Variants in TMEM72 observed in about 807,000 individuals in gnomAD.
TMEM72 encodes the protein transmembrane protein 72, also known as kidney-specific secretory protein of 37 kDa.
In TMEM72, 9 loss-of-function variants were observed where a neutral mutation model predicts 16.3. That is an observed-to-expected ratio of 0.55 (90% CI 0.33 to 0.96). The LOEUF is 0.96. TMEM72 is among the 40% of genes least tolerant of loss of function. The pLI, the probability that TMEM72 is intolerant of heterozygous loss-of-function variation, is 0.03. For missense variants in TMEM72, 324 were observed against 337.8 expected, an observed-to-expected ratio of 0.96 and a Z score of 0.32; for synonymous variants, 160 against 146.5, an observed-to-expected ratio of 1.09 and a Z score of -0.66.
chr10:44,914,571 C>T (rs1839986458), intron 1 of TMEM72, among the ~76,000 whole-genome samples: 1 of 152,218 alleles, frequency 6.6e-6, no homozygotes, highest in South Asian at 2.1e-4. Context: ...TCCACATTCC[C>T]CTGTGCGGAT....
At chr10:44,914,831 T>C (rs1839990748) in intron 1 of TMEM72, among the ~76,000 whole-genome samples, 1 of 152,190 alleles carries the variant, frequency 6.6e-6, no homozygotes, top group Admixed American at 6.5e-5. Flanking sequence ...TTGGTCCCAG[T>C]TGCAGGCTAG....
At chr10:44,924,384 C>A (rs1400925964) in intron 1 of TMEM72, among the ~76,000 whole-genome samples, 1 of 152,228 alleles carries the variant, frequency 6.6e-6, no homozygotes, top group Non-Finnish European at 1.5e-5. Context: ...GCTTGGGTTA[C>A]TGCCCTCGCT....
intron 1 of TMEM72, among the ~76,000 whole-genome samples, chr10:44,920,438 C>T (rs1403705586): frequency 6.6e-6 from 1 of 152,214 alleles, no homozygotes; most frequent in East Asian, 1.9e-4. Context: ...ACATGCTGGC[C>T]TGAGCCCCGT....
At position 44,911,579 on chromosome 10, in the gene TMEM72, G is replaced by A. The variant is rs751117302; in HGVS notation, c.67G>A (p.Ala23Thr). 1.9e-6 allele frequency: 3 copies of A among 1,550,478 alleles called. No homozygotes were observed. The highest frequency in any genetic ancestry group is 2.4e-5 in the East Asian group (1 of 41,030). ...CCGGCTCCTGGGCATCACCACTGCTGCAGGTAAGACCCTGCCTCCTGGCTG... is the reference window on the plus strand; with the variant it reads ...CCGGCTCCTGGGCATCACCACTGCTACAGGTAAGACCCTGCCTCCTGGCTG... ...TCRLLGITTA[A>T]VLIGVGTETF... Residue 23 changes from alanine to threonine, a missense_variant, in exon 1 of 5, where the codon GCA (alanine) becomes ACA (threonine). Coordinates refer to ENST00000389583, the MANE Select transcript of TMEM72 (RefSeq NM_001123376.3).
Position 44,932,079 on chromosome 10 carries a change from T to G in TMEM72, c.209+10T>G. The G allele has an allele frequency of 1.9e-6, 3 of 1,611,580 alleles. No homozygotes were observed. In the Admixed American group the frequency reaches 5.0e-5, roughly 27 times the overall value. On this transcript the variant is annotated intron_variant, in intron 3 of 4. Coordinates refer to ENST00000389583, the MANE Select transcript of TMEM72 (RefSeq NM_001123376.3). ...TGGCCATCTGCTTCCAGTAAGTAGT[T>G]TCCAGAGAGACCCCTCCATTGTCCA...
chr10:44,926,059 A>G (rs1011701662), intron 1 of TMEM72, among the ~76,000 whole-genome samples: 1 of 151,768 alleles, frequency 6.6e-6, no homozygotes, highest in African/African-American at 2.4e-5. Flanking sequence ...CCACATATAT[A>G]ATCACACTCA....
Position 44,911,682 on chromosome 10 carries a change from G to A in TMEM72, c.70+100G>A, listed in dbSNP as rs1839940296. Reference sequence around the variant, plus strand: ...GGCCAGGAGACAGCAGGCACATCTGGCCACTTCTGTGCTTCAATTTTTTTC... The same window carrying A: ...GGCCAGGAGACAGCAGGCACATCTGACCACTTCTGTGCTTCAATTTTTTTC... On this transcript the variant is annotated intron_variant, in intron 1 of 4. Coordinates refer to ENST00000389583, the MANE Select transcript of TMEM72 (RefSeq NM_001123376.3). 3 of 1,359,490 alleles carry A rather than the reference G, an allele frequency of 2.2e-6. 1 individual carries two copies. Among genetic ancestry groups the A allele is most frequent in the Non-Finnish European group, 1.0e-6 (1 of 986,852 alleles). 84.2% of individuals were successfully genotyped at this position (1,359,490 alleles called of 1,614,324 possible).
chr10:44,930,500 A>T (rs1840278553), intron 2 of TMEM72, among the ~76,000 whole-genome samples: 1 of 152,220 alleles, frequency 6.6e-6, no homozygotes, highest in African/African-American at 2.4e-5. Context: ...TATAGTGTTT[A>T]TTATAATATA....
intron 1 of TMEM72, among the ~76,000 whole-genome samples, chr10:44,923,689 G>A (rs1037552929): frequency 6.6e-5 from 10 of 152,172 alleles, no homozygotes; most frequent in African/African-American, 2.4e-4. Context: ...TGCCCAGGAA[G>A]CTTCCAATCC....
chr10:44,934,443 C>G (rs1268587032), intron 4 of TMEM72, among the ~76,000 whole-genome samples: 1 of 152,210 alleles, frequency 6.6e-6, no homozygotes, highest in African/African-American at 2.4e-5. Context: ...TCCATCCTTC[C>G]TGCCATTTAG....
chr10:44,911,706 T>TC, intron 1 of TMEM72, 124 bp downstream of exon 1: 4 of 1,102,844 alleles, frequency 3.6e-6, no homozygotes, highest in Non-Finnish European at 5.2e-6. Context: ...TCAATTTTTT[T>TC]CCCAAGACCC....
At chr10:44,924,296 G>T (rs7477198) in intron 1 of TMEM72, among the ~76,000 whole-genome samples, 108,163 of 152,080 alleles carry the variant, frequency 0.71, 39,290 homozygotes, top group Middle Eastern at 0.81. Flanking sequence ...TACCTTCATC[G>T]TTATTCATCT....
rs1220528972 is a variant in TMEM72 at position 44,932,007 on chromosome 10, A to G, written c.147A>G (p.Gly49=). The change falls in exon 3 of 5, where the codon GGA becomes GGG. Residue 49 remains glycine, a synonymous_variant. Coordinates refer to ENST00000389583, the MANE Select transcript of TMEM72 (RefSeq NM_001123376.3). ...CTGTCTCCACCTGCAGGTTTACAGG[A>G]GCCGCTGTCTCCATATGTGAAGGGG... The part of the protein sequence containing the change: ...KSLAFYLLFT[G]AAVSICEGAY... 1.9e-6 allele frequency: 3 copies of G among 1,612,772 alleles called. No homozygotes were observed. The highest frequency in any genetic ancestry group is 1.7e-6 in the Non-Finnish European group (2 of 1,179,538).
chr10:44,933,127 C>A (rs1840330742), intron 3 of TMEM72, among the ~76,000 whole-genome samples: 1 of 152,224 alleles, frequency 6.6e-6, no homozygotes, highest in African/African-American at 2.4e-5. Flanking sequence ...TATGTGTGGT[C>A]CCTGTGTATA....
intron 1 of TMEM72, among the ~76,000 whole-genome samples, chr10:44,924,699 C>T (rs1330386078): frequency 1.3e-5 from 2 of 152,260 alleles, no homozygotes; most frequent in African/African-American, 2.4e-5. Flanking sequence ...GAGCAGAAAG[C>T]GGTGACCCGT....
Position 44,911,365 on chromosome 10 carries a change from C to A in TMEM72, c.-148C>A. ...CCCTATTCACACCTCGGCCAGGCTG[C>A]GGTGGCCAGGACTGGTTTGGGAAGG... On this transcript the variant is annotated 5_prime_UTR_variant, in exon 1 of 5. Transcript: ENST00000389583. 1.4e-6 allele frequency: 1 copy of A among 730,308 alleles called. No individual in the cohort carries two copies. Among genetic ancestry groups the A allele is most frequent in the Non-Finnish European group, 2.2e-6 (1 of 446,916 alleles). The allele number at this position is 730,308 out of a possible 1,614,324, so 45.2% of individuals were successfully genotyped here.
intron 2 of TMEM72, 74 bp from the exon 3 acceptor site, chr10:44,931,924 G>A (rs956810419): frequency 1.0e-5 from 15 of 1,468,890 alleles, no homozygotes; most frequent in South Asian, 2.4e-5. Flanking sequence ...AGGAGGCCAC[G>A]TGTGAGAAGA....
At chr10:44,913,452 G>GCA (rs35296531) in intron 1 of TMEM72, among the ~76,000 whole-genome samples, 18,414 of 148,770 alleles carry the variant, frequency 0.12, 1,289 homozygotes, top group East Asian at 0.3. Flanking sequence ...CCATGTGCAC[G>GCA]CACACACACA....
rs115197776 is a variant in TMEM72 at position 44,921,005 on chromosome 10, C to T, written c.71-6916C>T. 6.9e-3 allele frequency among the ~76,000 whole-genome samples: 1,045 copies of T among 152,222 alleles called. 17 individuals carry two copies. Among genetic ancestry groups the T allele is most frequent in the African/African-American group, 0.024 (995 of 41,530 alleles). ...CAGGGCTGTACCACAGGCTCTTGGC[C>T]CAGGATCTCTGATCTCTGCTAAGCC... is the stretch of plus-strand genomic sequence containing the variant. On this transcript the variant is annotated intron_variant, in intron 1 of 4. Coordinates refer to ENST00000389583, the MANE Select transcript of TMEM72 (RefSeq NM_001123376.3).
Sources: allele counts gnomAD v4.1 joint callset (sites outside exome capture counted in the v4.1 genomes callset), GRCh38; gene constraint gnomAD v4.1.1; transcripts MANE v1.5; gene names NCBI Gene and HGNC (gene_info 2026-07-23, HGNC 2026-07-21).